RBL1: variants seen among roughly 807,000 people sequenced by gnomAD.
RBL1 encodes retinoblastoma-like protein 1.
In RBL1, 82 loss-of-function variants were observed where a neutral mutation model predicts 123.0. That is an observed-to-expected ratio of 0.67 (90% CI 0.56 to 0.80). The LOEUF (loss-of-function observed/expected upper bound fraction) is 0.80. Ranked by LOEUF, RBL1 falls within the 30% of genes least tolerant of loss-of-function variation. The probability of loss-of-function intolerance (pLI) is 0.00; values close to 1 mark genes in which losing one functional copy is unlikely to be tolerated. For synonymous variants in RBL1, 405 were observed against 441.3 expected (o/e 0.92, Z 1.03); for missense variants, 1,171 against 1,299.6 (o/e 0.90, Z 1.52).
At chr20:37,037,612 A>C (rs942327115) in intron 14 of RBL1, among the ~76,000 whole-genome samples, 1 of 152,118 alleles carries the variant, frequency 6.6e-6, no homozygotes, top group Non-Finnish European at 1.5e-5. Flanking sequence ...AGATCAAAAA[A>C]CAATTATAAT....
intron 19 of RBL1, among the ~76,000 whole-genome samples, chr20:37,009,630 G>A (rs1275472837): frequency 3.3e-5 from 5 of 152,056 alleles, no homozygotes; most frequent in Admixed American, 1.3e-4. Flanking sequence ...AAAGTGCTGG[G>A]ATTACAGACA....
intron 21 of RBL1, among the ~76,000 whole-genome samples, chr20:37,000,803 C>G (rs1394800592): frequency 1.4e-5 from 2 of 140,362 alleles, no homozygotes; most frequent in South Asian, 4.5e-4. Flanking sequence ...CCAGCCGCCC[C>G]GTCCGGGAGG....
chr20:37,035,511 A>T lies in RBL1; in HGVS notation c.1904-3T>A. ...AATTGGAGACAATGGTTGCATATCT[A>T]AAAAAAAATAATAAATTTAAAACAG... On this transcript the variant is annotated splice_polypyrimidine_tract_variant and splice_region_variant and intron_variant, in intron 14 of 21. Coordinates refer to ENST00000373664, the MANE Select transcript of RBL1 (RefSeq NM_002895.5). The T allele has an allele frequency of 6.8e-7, 1 of 1,467,508 alleles. No individual in the cohort carries two copies. The highest frequency in any genetic ancestry group is 9.2e-7 in the Non-Finnish European group (1 of 1,090,648). The allele number at this position is 1,467,508 out of a possible 1,614,324, so 90.9% of individuals were successfully genotyped here.
intron 16 of RBL1, 79 bp downstream of exon 16, chr20:37,032,586 G>A (rs1229318458): frequency 4.4e-5 from 69 of 1,553,504 alleles, no homozygotes; most frequent in African/African-American, 1.3e-4. Context: ...AAAAAAAAAA[G>A]ACCAAAGTCT....
chr20:37,018,181 C>A, intron 19 of RBL1, 98 bp downstream of exon 19: 1 of 1,344,736 alleles, frequency 7.4e-7, no homozygotes, highest in South Asian at 1.9e-5. Context: ...ACCTCACCTC[C>A]TTATGATTCA....
At chr20:37,001,045 C>G (rs1460359815) in intron 21 of RBL1, among the ~76,000 whole-genome samples, 6 of 145,896 alleles carry the variant, frequency 4.1e-5, no homozygotes, top group Admixed American at 1.3e-4. Flanking sequence ...GCCCCCCACC[C>G]GGCCAGCCGC....
At chr20:37,055,404 C>A in intron 11 of RBL1, 149 bp downstream of exon 11, 1 of 1,125,590 alleles carries the variant, frequency 8.9e-7, no homozygotes, top group Non-Finnish European at 1.3e-6. Context: ...ATTGATTAGC[C>A]TTGCATGTGC....
At chr20:37,033,600 C>T (rs1332136491) in intron 15 of RBL1, among the ~76,000 whole-genome samples, 1 of 151,120 alleles carries the variant, frequency 6.6e-6, no homozygotes, top group Non-Finnish European at 1.5e-5. Flanking sequence ...CAGGCATGAG[C>T]CACTGCAGCT....
chr20:37,029,982 A>G (rs1179965031), intron 16 of RBL1, among the ~76,000 whole-genome samples: 1 of 152,228 alleles, frequency 6.6e-6, no homozygotes, highest in Non-Finnish European at 1.5e-5. Flanking sequence ...ATGGACTGGA[A>G]GACTTGACAT....
chr20:37,081,974 C>T (rs1568889781), intron 2 of RBL1: 2 of 455,994 alleles, frequency 4.4e-6, no homozygotes, highest in Non-Finnish European at 8.8e-6. Context: ...CGCTTCAGGT[C>T]ACTTCATGGT....
rs959869171 is a variant in RBL1, at chr20:37,003,832, A to G, written c.2906T>C (p.Ile969Thr). ...GCGTGGTGAGCCTGGCTGTTGTTTA[A>G]TATGTGGAAAAGGAGAGAGTGGTGG... ...DAPPLSPFPH[I>T]KQQPGSPRRI... The change falls in exon 21 of 22, where the codon ATT (isoleucine) becomes ACT (threonine). Residue 969 changes from isoleucine (I) to threonine (T), a missense_variant. Coordinates refer to ENST00000373664, the MANE Select transcript of RBL1 (RefSeq NM_002895.5). The G allele has an allele frequency of 4.3e-6, 7 of 1,613,778 alleles. No individual in the cohort carries two copies. In the African/African-American group the frequency reaches 9.3e-5, roughly 22 times the overall value.
intron 2 of RBL1, among the ~76,000 whole-genome samples, chr20:37,076,403 T>G (rs1057448699): frequency 1.2e-4 from 19 of 152,210 alleles, no homozygotes; most frequent in Admixed American, 1.0e-3. Flanking sequence ...TCTCAAAATA[T>G]CTTATTGTAC....
chr20:37,014,378 CTTTTT>C (rs1205304268), intron 19 of RBL1, among the ~76,000 whole-genome samples: 2 of 151,802 alleles, frequency 1.3e-5, no homozygotes, highest in Non-Finnish European at 1.5e-5. Flanking sequence ...TGTGTTCTCT[CTTTTT>C]GAGTGCCAGA....
chr20:37,073,089 G>A (rs1046818801), intron 2 of RBL1, among the ~76,000 whole-genome samples: 1 of 151,966 alleles, frequency 6.6e-6, no homozygotes, highest in Admixed American at 6.6e-5. Context: ...CCAAGTAGCT[G>A]GGACCACAGG....
chr20:37,054,028 TACACAC>T (rs55898438), intron 11 of RBL1, among the ~76,000 whole-genome samples: 8 of 146,834 alleles, frequency 5.4e-5, no homozygotes, highest in Admixed American at 2.1e-4. Flanking sequence ...TACAATTTTA[TACACAC>T]ACACACACAC....
intron 2 of RBL1, among the ~76,000 whole-genome samples, chr20:37,069,054 G>A (rs1361663437): frequency 1.3e-5 from 2 of 152,236 alleles, no homozygotes; most frequent in African/African-American, 2.4e-5. Flanking sequence ...TGGCCAGGCC[G>A]GTCTCCAGCC....
intron 2 of RBL1, among the ~76,000 whole-genome samples, chr20:37,084,683 G>T (rs1202088078): frequency 6.6e-6 from 1 of 151,922 alleles, no homozygotes; most frequent in Non-Finnish European, 1.5e-5. Context: ...GAGTGACAGA[G>T]CAAGACTCTG....
At chr20:37,001,990 G>A (rs1349209275) in intron 21 of RBL1, among the ~76,000 whole-genome samples, 3 of 146,520 alleles carry the variant, frequency 2.0e-5, no homozygotes, top group African/African-American at 7.6e-5. Context: ...CTGTATAACA[G>A]TAGCTCTCGA....
At chr20:37,023,918 C>T (rs2064382600) in intron 16 of RBL1, among the ~76,000 whole-genome samples, 1 of 151,344 alleles carries the variant, frequency 6.6e-6, no homozygotes, top group Non-Finnish European at 1.5e-5. Context: ...GCTGGGACTA[C>T]AGGCAAGTGC....
Sources: gnomAD v4.1 joint callset for allele counts (sites outside exome capture counted in the v4.1 genomes callset) on GRCh38, gnomAD v4.1.1 for gene constraint, MANE v1.5 for transcripts, NCBI Gene and HGNC (gene_info 2026-07-23, HGNC 2026-07-21) for gene names.